The following VANGL1 variants were observed in gnomAD, a reference collection of about 807,000 sequenced individuals.
VANGL1 encodes the protein VANGL planar cell polarity protein 1, also known as vang-like protein 1.
In VANGL1, 18 loss-of-function variants were observed where a neutral mutation model predicts 48.4. The observed-to-expected ratio is 0.37, with a 90% confidence interval of 0.26 to 0.55. The LOEUF (loss-of-function observed/expected upper bound fraction) is 0.55, where lower values mean the gene tolerates loss of function less well. Ranked by LOEUF, VANGL1 falls within the 20% of genes least tolerant of loss-of-function variation. VANGL1 has a pLI of 0.81. For synonymous variants in VANGL1, 257 were observed against 261.8 expected (o/e 0.98, Z 0.18); for missense variants, 667 against 675.8 (o/e 0.99, Z 0.14).
intron 1 of VANGL1, among the ~76,000 whole-genome samples, chr1:115,644,159 A>G (rs1255906853): frequency 6.6e-6 from 1 of 152,164 alleles, no homozygotes; most frequent in Non-Finnish European, 1.5e-5. Flanking sequence ...AGTGCTGTCA[A>G]TTTTCTGTAG....
At chr1:115,665,262 T>C (rs543785833) in intron 4 of VANGL1, among the ~76,000 whole-genome samples, 1 of 152,340 alleles carries the variant, frequency 6.6e-6, no homozygotes, top group Admixed American at 6.5e-5. Context: ...TGCACTGAGA[T>C]GTTCTCTGGG....
chr1:115,679,502 C>G lies in VANGL1; in HGVS notation c.813-2862C>G, dbSNP rs547355320. Among the ~76,000 whole-genome samples the G allele has an allele frequency of 2.0e-5, 3 of 152,274 alleles. No homozygotes were observed. The South Asian group carries it at 6.2e-4, about 32-fold the overall frequency. On this transcript the variant is annotated intron_variant, in intron 4 of 7. Coordinates refer to ENST00000355485, the MANE Select transcript of VANGL1 (RefSeq NM_138959.3). The stretch of plus-strand genomic sequence containing the variant: ...CATTTGGAGAGCATCTGCTGAGGCC[C>G]CGTGCTGGAAGGCGGTGGGCCGGGA...
At chr1:115,673,594 CTTTTTTTTTTTTTTTT>C (rs960453479) in intron 4 of VANGL1, among the ~76,000 whole-genome samples, 4 of 108,586 alleles carry the variant, frequency 3.7e-5, no homozygotes, top group African/African-American at 1.2e-4. Flanking sequence ...TGTATGTCCT[CTTTTTTTTTTTTTTTT>C]TTTTTTTGAG....
At chr1:115,666,385 A>G (rs1051436410) in intron 4 of VANGL1, among the ~76,000 whole-genome samples, 1 of 152,188 alleles carries the variant, frequency 6.6e-6, no homozygotes, top group Non-Finnish European at 1.5e-5. Context: ...CAAACCAAAC[A>G]GCCCGAGGAA....
chr1:115,690,365 G>T (rs11576977), intron 7 of VANGL1, among the ~76,000 whole-genome samples: 26,444 of 152,216 alleles, frequency 0.17, 2,661 homozygotes, highest in South Asian at 0.26. Context: ...TTAGCTGGAG[G>T]AACAGCACAT....
At position 115,684,661 on chromosome 1, in the gene VANGL1, G is replaced by C. The variant is rs567234954; in HGVS notation, c.1079+585G>C. 5.9e-5 allele frequency among the ~76,000 whole-genome samples: 9 copies of C among 152,296 alleles called. No homozygotes were observed. The East Asian group carries it at 1.7e-3, about 29-fold the overall frequency. On this transcript the variant is annotated intron_variant, in intron 6 of 7. Coordinates refer to ENST00000355485, the MANE Select transcript of VANGL1 (RefSeq NM_138959.3). The stretch of plus-strand genomic sequence containing the variant: ...GGTGTGGAGTTGGGCCCAAGAAATG[G>C]CATTTCTAACAGATTCCTGCGTGAT...
At position 115,685,380 on chromosome 1, in the gene VANGL1, C is replaced by T. The variant is rs376015336; in HGVS notation, c.1167C>T (p.Asp389=). 1.4e-5 allele frequency: 22 copies of T among 1,613,958 alleles called. No homozygotes were observed. In the African/African-American group the frequency reaches 2.7e-4, roughly 20 times the overall value. Residue 389 remains aspartate (D), a synonymous_variant, in exon 7 of 8, where the codon GAC becomes GAT. Coordinates refer to ENST00000355485, the MANE Select transcript of VANGL1 (RefSeq NM_138959.3). ...EQQKAPGEVM[D]PREAAQAIFP... is the part of the protein sequence containing the mutation. Reference sequence around the variant, plus strand: ...AGAAAGCCCCAGGGGAGGTGATGGACCCTAGGGAGGCCGCCCAGGCCATTT... The same window carrying T: ...AGAAAGCCCCAGGGGAGGTGATGGATCCTAGGGAGGCCGCCCAGGCCATTT...
intron 7 of VANGL1, among the ~76,000 whole-genome samples, chr1:115,690,091 G>T (rs1275894890): frequency 2.2e-5 from 3 of 138,018 alleles, no homozygotes; most frequent in Admixed American, 7.4e-5. Flanking sequence ...GATTTAATTC[G>T]CATGCTGTCA....
In VANGL1 at chr1:115,689,221, G is replaced by A. The variant is rs73009328; in HGVS notation, c.1315-1898G>A. Among the ~76,000 whole-genome samples the A allele has an allele frequency of 6.5e-4, 89 of 137,172 alleles. 16 individuals are homozygous for A. Among genetic ancestry groups the A allele is most frequent in the African/African-American group, 2.3e-3 (83 of 36,452 alleles). The allele number at this position is 137,172 out of a possible 152,430, so 90.0% of individuals were successfully genotyped here. On this transcript the variant is annotated intron_variant, in intron 7 of 7. Coordinates refer to ENST00000355485, the MANE Select transcript of VANGL1 (RefSeq NM_138959.3). ...ATTTTCTTTTTCTTATGATTCATAGGAGCTGTATTTATATTAGAAGTGTGG... is the reference window on the plus strand; with the variant it reads ...ATTTTCTTTTTCTTATGATTCATAGAAGCTGTATTTATATTAGAAGTGTGG...
In VANGL1 at chr1:115,685,142, C is replaced by T. The variant is rs1466220741; in HGVS notation, c.1080-151C>T. On this transcript the variant is annotated intron_variant, in intron 6 of 7. Transcript: ENST00000355485. The stretch of plus-strand genomic sequence containing the variant: ...TTCTTTCTCCCTTCCTCCCTCTCCA[C>T]TCTCTGAGGGACAGCTAAGGATGCA... 4.8e-6 allele frequency: 4 copies of T among 832,940 alleles called. No homozygotes were observed. In the East Asian group the frequency reaches 1.1e-4, roughly 22 times the overall value. The allele number at this position is 832,940 out of a possible 1,614,324, so 51.6% of individuals were successfully genotyped here.
chr1:115,680,140 G>A (rs1248303147), intron 4 of VANGL1, among the ~76,000 whole-genome samples: 6 of 152,204 alleles, frequency 3.9e-5, no homozygotes, highest in East Asian at 1.9e-4. Flanking sequence ...GGGCAAGGAC[G>A]GAGTTGGAGC....
At chr1:115,660,969 C>A (rs1652524898) in intron 3 of VANGL1, among the ~76,000 whole-genome samples, 1 of 152,126 alleles carries the variant, frequency 6.6e-6, no homozygotes, top group South Asian at 2.1e-4. Flanking sequence ...GGGTCAGTTT[C>A]CTCCTGGATG....
chr1:115,671,822 G>T (rs536458902), intron 4 of VANGL1, among the ~76,000 whole-genome samples: 59 of 152,318 alleles, frequency 3.9e-4, no homozygotes, highest in African/African-American at 1.3e-3. Context: ...TCTCCTAGGT[G>T]CCCCAGTAGG....
At chr1:115,686,641 T>C (rs1653646506) in intron 7 of VANGL1, among the ~76,000 whole-genome samples, 1 of 152,174 alleles carries the variant, frequency 6.6e-6, no homozygotes, top group South Asian at 2.1e-4. Context: ...ATTAGATATA[T>C]GGCTGTTTCT....
intron 1 of VANGL1, among the ~76,000 whole-genome samples, chr1:115,648,491 T>C (rs1286356179): frequency 2.0e-5 from 3 of 152,156 alleles, no homozygotes; most frequent in African/African-American, 7.2e-5. Context: ...ACCCATGGTT[T>C]CCTTTGAGGG....
intron 4 of VANGL1, among the ~76,000 whole-genome samples, chr1:115,672,959 A>C (rs371310438): frequency 1.5e-4 from 23 of 152,202 alleles, no homozygotes; most frequent in African/African-American, 5.3e-4. Context: ...TTTAGCTCTT[A>C]CGGACTCTTC....
rs1343192742 is a variant in VANGL1, at chr1:115,673,671, C to T, written c.813-8693C>T. On this transcript the variant is annotated intron_variant, in intron 4 of 7. Coordinates refer to ENST00000355485, the MANE Select transcript of VANGL1 (RefSeq NM_138959.3). Reference sequence around the variant, plus strand: ...CTGGAGTGCCTTAGTGCGATCTCAGCTCTCTGCAACCTCTGTCTCCCAGGT... The same window carrying T: ...CTGGAGTGCCTTAGTGCGATCTCAGTTCTCTGCAACCTCTGTCTCCCAGGT... Among the ~76,000 whole-genome samples, 3 of 148,936 alleles carry T rather than the reference C, an allele frequency of 2.0e-5. No homozygotes were observed. In the East Asian group the frequency reaches 5.9e-4, roughly 29 times the overall value.
In VANGL1 at chr1:115,685,543, C is replaced by A; in HGVS notation, c.1314+16C>A. 1 of 1,612,450 alleles carries A rather than the reference C, an allele frequency of 6.2e-7. No individual in the cohort carries two copies. The highest frequency in any genetic ancestry group is 8.5e-7 in the Non-Finnish European group (1 of 1,179,102). The stretch of plus-strand genomic sequence containing the variant: ...GACCCCCAAGGTGCGCTGCTCCGGG[C>A]GGGCTCTGCCACCGTCATCCTGGCT... On this transcript the variant is annotated intron_variant, in intron 7 of 7. Transcript: ENST00000355485.
At chr1:115,673,645 G>T (rs1478076399) in intron 4 of VANGL1, among the ~76,000 whole-genome samples, 3 of 145,674 alleles carry the variant, frequency 2.1e-5, no homozygotes, top group Non-Finnish European at 4.5e-5. Flanking sequence ...TTTCGCCCAG[G>T]CTGGAGTGCC....
Sources: gnomAD v4.1 joint callset for allele counts (sites outside exome capture counted in the v4.1 genomes callset) on GRCh38, gnomAD v4.1.1 for gene constraint, MANE v1.5 for transcripts, NCBI Gene and HGNC (gene_info 2026-07-23, HGNC 2026-07-21) for gene names.